TJP1: variants seen among roughly 807,000 people sequenced by gnomAD.
TJP1 encodes tight junction protein ZO-1.
TJP1 carries 43 observed loss-of-function variants against 194.2 expected under a neutral mutation model. The ratio of observed to expected loss-of-function variants is 0.22; its 90% CI spans 0.17 to 0.29. TJP1 has a LOEUF of 0.29. TJP1 is among the 10% of genes least tolerant of loss of function. TJP1 has a pLI of 1.00. For synonymous variants in TJP1, 801 were observed against 779.0 expected, an observed-to-expected ratio of 1.03 and a Z score of -0.47; for missense variants, 1,971 against 2,185.7, an observed-to-expected ratio of 0.90 and a Z score of 1.96.
chr15:29,907,683 C>T (rs1023654425), intron 2 of TJP1, among the ~76,000 whole-genome samples: 4 of 152,174 alleles, frequency 2.6e-5, no homozygotes, highest in South Asian at 2.1e-4. Flanking sequence ...TAACAAACCT[C>T]TTCAACTAAG....
intron 2 of TJP1, among the ~76,000 whole-genome samples, chr15:29,794,181 A>T (rs947744221): frequency 1.1e-4 from 17 of 152,168 alleles, no homozygotes; most frequent in Non-Finnish European, 1.5e-5. Context: ...AACCAAAAAC[A>T]AACAAAAAAC....
At chr15:29,968,766 T>G (rs1333563800) in exon 1 of TJP1, 1 of 1,223,032 alleles carries the variant, frequency 8.2e-7, no homozygotes, top group Non-Finnish European at 1.1e-6. Context: ...CTTCATCTTG[T>G]CCCCGCTCCG....
At chr15:29,883,690 T>G (rs892383144) in intron 2 of TJP1, among the ~76,000 whole-genome samples, 3 of 152,152 alleles carry the variant, frequency 2.0e-5, no homozygotes, top group African/African-American at 7.2e-5. Context: ...GTTTCCTTTT[T>G]CATTTCTGGC....
chr15:29,909,050 A>T (rs888902965), intron 2 of TJP1, among the ~76,000 whole-genome samples: 5 of 151,424 alleles, frequency 3.3e-5, no homozygotes, highest in Non-Finnish European at 1.5e-5. Context: ...CCAGCTACTC[A>T]GGAGGCTGAG....
chr15:29,859,764 T>C (rs374233188), intron 2 of TJP1, among the ~76,000 whole-genome samples: 1 of 152,208 alleles, frequency 6.6e-6, no homozygotes, highest in East Asian at 1.9e-4. Flanking sequence ...CTTCCGAGAA[T>C]TGTTCTTGCT....
intron 2 of TJP1, among the ~76,000 whole-genome samples, chr15:29,792,326 CCA>C (rs1299385419): frequency 6.6e-6 from 1 of 152,138 alleles, no homozygotes; most frequent in African/African-American, 2.4e-5. Context: ...ATGTGGATGT[CCA>C]GTCTTCCCAG....
intron 2 of TJP1, among the ~76,000 whole-genome samples, chr15:29,939,459 C>G (rs1039122535): frequency 6.6e-6 from 1 of 152,138 alleles, no homozygotes; most frequent in African/African-American, 2.4e-5. Context: ...CAGCCCAAAC[C>G]AGAGCCTACA....
chr15:29,862,743 G>T (rs2052133795), intron 2 of TJP1, among the ~76,000 whole-genome samples: 1 of 149,994 alleles, frequency 6.7e-6, no homozygotes, highest in South Asian at 2.1e-4. Flanking sequence ...TGCCTCCCGG[G>T]TTCACGCCAT....
intron 2 of TJP1, among the ~76,000 whole-genome samples, chr15:29,843,678 A>T (rs578231507): frequency 6.6e-6 from 1 of 152,322 alleles, no homozygotes; most frequent in African/African-American, 2.4e-5. Context: ...TAAGAAAAAT[A>T]TGTGAAATGT....
intron 2 of TJP1, among the ~76,000 whole-genome samples, chr15:29,871,599 G>C (rs1349358464): frequency 6.6e-6 from 1 of 152,248 alleles, no homozygotes; most frequent in African/African-American, 2.4e-5. Flanking sequence ...CGTTAGTCAC[G>C]TAGGAGACGG....
chr15:29,869,619 C>A (rs540031306), intron 2 of TJP1, among the ~76,000 whole-genome samples: 1 of 151,988 alleles, frequency 6.6e-6, no homozygotes. Context: ...CCACACCCCA[C>A]GATGTGACTG....
At chr15:29,780,740 T>A (rs946169843) in intron 2 of TJP1, among the ~76,000 whole-genome samples, 2 of 152,094 alleles carry the variant, frequency 1.3e-5, no homozygotes, top group Non-Finnish European at 2.9e-5. Context: ...AGAAAAAATG[T>A]AGAAATGAAG....
intron 2 of TJP1, among the ~76,000 whole-genome samples, chr15:29,829,796 C>G (rs1158877508): frequency 6.6e-6 from 1 of 151,690 alleles, no homozygotes; most frequent in African/African-American, 2.4e-5. Context: ...TGCTAAAACA[C>G]TGCATTTTAA....
In TJP1 at chr15:29,950,183, TCCA is replaced by T. The variant is rs201669884; in HGVS notation, c.306+6046_306+6048del. 6.7e-5 allele frequency among the ~76,000 whole-genome samples: 4 copies of T among 60,008 alleles called. 1 individual carries two copies. The highest frequency in any genetic ancestry group is 5.1e-5 in the African/African-American group (1 of 19,502). 39.4% of individuals were successfully genotyped at this position (60,008 alleles called of 152,430 possible). ...CACCACCACAACCACTACCTCCACC[TCCA>T]CCACCACCACCACTTCCATCTCCAC... On this transcript the variant is annotated intron_variant, in intron 2 of 28. Transcript: ENST00000356107.
chr15:29,949,537 C>CTCCACA (rs2055504866), intron 2 of TJP1, among the ~76,000 whole-genome samples: 4 of 125,742 alleles, frequency 3.2e-5, no homozygotes, highest in African/African-American at 5.8e-5. Flanking sequence ...CCACCTCCAC[C>CTCCACA]ACCACCACCT....
chr15:29,958,338 G>A (rs985801385), intron 1 of TJP1, among the ~76,000 whole-genome samples: 1 of 149,890 alleles, frequency 6.7e-6, no homozygotes, highest in African/African-American at 2.5e-5. Context: ...TAAGTAGCAT[G>A]TAGCTGGATT....
intron 2 of TJP1, among the ~76,000 whole-genome samples, chr15:29,933,091 C>T (rs913488795): frequency 6.6e-6 from 1 of 152,132 alleles, no homozygotes; most frequent in African/African-American, 2.4e-5. Context: ...GCATCACACA[C>T]ACACATTTTG....
intron 2 of TJP1, among the ~76,000 whole-genome samples, chr15:29,783,233 C>T (rs2047485546): frequency 1.3e-5 from 2 of 152,120 alleles, no homozygotes; most frequent in South Asian, 2.1e-4. Flanking sequence ...AAGATTGTGC[C>T]ACTGCACTCC....
At chr15:29,943,299 T>C (rs1048461841) in intron 2 of TJP1, among the ~76,000 whole-genome samples, 1 of 152,244 alleles carries the variant, frequency 6.6e-6, no homozygotes, top group African/African-American at 2.4e-5. Flanking sequence ...ACCTAATGAC[T>C]ACTTTACAAG....
Sources: gnomAD v4.1 joint callset for allele counts (sites outside exome capture counted in the v4.1 genomes callset) on GRCh38, gnomAD v4.1.1 for gene constraint, MANE v1.5 for transcripts, NCBI Gene and HGNC (gene_info 2026-07-23, HGNC 2026-07-21) for gene names.